The following TRIM71 variants were observed in gnomAD, a reference collection of about 807,000 sequenced individuals.
TRIM71 encodes E3 ubiquitin-protein ligase TRIM71.
A neutral mutation model predicts 61.2 loss-of-function variants in TRIM71; 9 were observed. That is an observed-to-expected ratio of 0.15 (90% confidence interval 0.09 to 0.26). The LOEUF (loss-of-function observed/expected upper bound fraction) is 0.26. Ranked by LOEUF, TRIM71 falls within the 10% of genes least tolerant of loss-of-function variation. The pLI, the probability that TRIM71 is intolerant of heterozygous loss-of-function variation, is 1.00. For synonymous variants in TRIM71, 645 were observed against 553.2 expected, an observed-to-expected ratio of 1.17 and a Z score of -2.33; for missense variants, 998 against 1,238.7, an observed-to-expected ratio of 0.81 and a Z score of 2.92.
At chr3:32,857,262 A>G (rs1302542333) in intron 1 of TRIM71, among the ~76,000 whole-genome samples, 1 of 152,210 alleles carries the variant, frequency 6.6e-6, no homozygotes, top group Non-Finnish European at 1.5e-5. Flanking sequence ...GCAGATTTGT[A>G]AATCTTCCAC....
intron 2 of TRIM71, among the ~76,000 whole-genome samples, chr3:32,880,168 G>A (rs904281750): frequency 1.1e-4 from 17 of 151,698 alleles, no homozygotes; most frequent in African/African-American, 3.6e-4. Context: ...TGGGATTACC[G>A]GCCTGTACCA....
intron 1 of TRIM71, among the ~76,000 whole-genome samples, chr3:32,820,786 G>A (rs1471147838): frequency 6.6e-6 from 1 of 152,202 alleles, no homozygotes; most frequent in East Asian, 1.9e-4. Flanking sequence ...ATTGAGAAGT[G>A]AAGCTCTCCA....
At chr3:32,854,594 T>C (rs765271794) in intron 1 of TRIM71, among the ~76,000 whole-genome samples, 24 of 152,160 alleles carry the variant, frequency 1.6e-4, no homozygotes, top group Non-Finnish European at 3.2e-4. Flanking sequence ...CCCTAGGCCT[T>C]ACTCAAGGAG....
intron 3 of TRIM71, among the ~76,000 whole-genome samples, chr3:32,889,554 G>T (rs1359798779): frequency 7.1e-6 from 1 of 140,278 alleles, no homozygotes; most frequent in East Asian, 2.0e-4. Context: ...TGTACGTTTT[G>T]TCCCAATTAT....
At chr3:32,881,727 T>C (rs1208345881) in intron 2 of TRIM71, among the ~76,000 whole-genome samples, 1 of 152,228 alleles carries the variant, frequency 6.6e-6, no homozygotes, top group African/African-American at 2.4e-5. Flanking sequence ...CCTTTCTACA[T>C]TGTCATTTCC....
intron 1 of TRIM71, among the ~76,000 whole-genome samples, chr3:32,850,645 T>G (rs1162946939): frequency 6.6e-6 from 1 of 152,204 alleles, no homozygotes; most frequent in African/African-American, 2.4e-5. Context: ...AAAATAACCT[T>G]TAAGGAAGAC....
intron 1 of TRIM71, among the ~76,000 whole-genome samples, chr3:32,863,338 TA>T (rs1336928505): frequency 6.6e-6 from 1 of 151,268 alleles, no homozygotes; most frequent in Non-Finnish European, 1.5e-5. Context: ...CAGCTGTGAC[TA>T]TAGGCATGCC....
intron 1 of TRIM71, among the ~76,000 whole-genome samples, chr3:32,828,974 C>G (rs1437833170): frequency 6.6e-6 from 1 of 151,822 alleles, no homozygotes; most frequent in Non-Finnish European, 1.5e-5. Context: ...GCATGAGCCA[C>G]TGTCCCCCAC....
chr3:32,852,872 G>T (rs1293783221), intron 1 of TRIM71, among the ~76,000 whole-genome samples: 2 of 151,996 alleles, frequency 1.3e-5, no homozygotes, highest in Non-Finnish European at 2.9e-5. Flanking sequence ...ATAGCAAAAG[G>T]TATTTGCAAT....
In TRIM71 at chr3:32,831,536, C is replaced by CTTTT. The variant is rs71068093; in HGVS notation, c.852+12621_852+12624dup. ...AAATTAAATAATGTTGCTTATCTTCCTTTTTTTTTTTTTTTTTTTTGAGAC... is the reference window on the plus strand; with the variant it reads ...AAATTAAATAATGTTGCTTATCTTCCTTTTTTTTTTTTTTTTTTTTTTTTGAGAC... On this transcript the variant is annotated intron_variant, in intron 1 of 3. Transcript: ENST00000383763. Among the ~76,000 whole-genome samples the CTTTT allele has an allele frequency of 5.6e-3, 540 of 96,678 alleles. 12 individuals are homozygous for CTTTT. The highest frequency in any genetic ancestry group is 0.022 in the East Asian group (67 of 3,048). 63.4% of individuals were successfully genotyped at this position (96,678 alleles called of 152,430 possible).
chr3:32,884,108 G>A (rs1158730207), intron 2 of TRIM71, among the ~76,000 whole-genome samples: 1 of 152,044 alleles, frequency 6.6e-6, no homozygotes, highest in Non-Finnish European at 1.5e-5. Flanking sequence ...CGGGTGGTGT[G>A]CTTTTTTGTT....
At chr3:32,838,585 C>T (rs1429432580) in intron 1 of TRIM71, among the ~76,000 whole-genome samples, 5 of 147,330 alleles carry the variant, frequency 3.4e-5, no homozygotes, top group South Asian at 2.2e-4. Flanking sequence ...GAAGTCCTAA[C>T]GCAGAATGCC....
chr3:32,850,944 G>C (rs1696531791), intron 1 of TRIM71, among the ~76,000 whole-genome samples: 1 of 152,162 alleles, frequency 6.6e-6, no homozygotes, highest in South Asian at 2.1e-4. Context: ...AGGTTGGGGA[G>C]GGGTTTAAAT....
intron 1 of TRIM71, among the ~76,000 whole-genome samples, chr3:32,846,851 G>A (rs555225501): frequency 1.1e-4 from 16 of 152,228 alleles, no homozygotes; most frequent in African/African-American, 2.4e-4. Context: ...CCCAGTTGTT[G>A]CAAATGACAG....
At chr3:32,823,718 G>T (rs1419933457) in intron 1 of TRIM71, among the ~76,000 whole-genome samples, 1 of 151,858 alleles carries the variant, frequency 6.6e-6, no homozygotes, top group Admixed American at 6.6e-5. Context: ...GCAGTGAGCC[G>T]AGATCATGCC....
At chr3:32,859,857 A>G (rs943487614) in intron 1 of TRIM71, among the ~76,000 whole-genome samples, 5 of 152,038 alleles carry the variant, frequency 3.3e-5, no homozygotes, top group South Asian at 2.1e-4. Flanking sequence ...GCCCAGTAAC[A>G]TGGTTCCTGG....
intron 1 of TRIM71, among the ~76,000 whole-genome samples, chr3:32,824,647 C>T (rs1399834067): frequency 6.6e-6 from 1 of 152,168 alleles, no homozygotes; most frequent in Non-Finnish European, 1.5e-5. Flanking sequence ...TCACACCTGG[C>T]TAATTTTTGT....
chr3:32,878,229 G>A (rs1464959329), intron 2 of TRIM71, among the ~76,000 whole-genome samples: 1 of 152,182 alleles, frequency 6.6e-6, no homozygotes, highest in Non-Finnish European at 1.5e-5. Flanking sequence ...GAGTCTTCTG[G>A]GTGACCAGGT....
rs1307496197 is a variant in TRIM71 at position 32,818,207 on chromosome 3, G to C, written c.127G>C (p.Gly43Arg). Residue 43 changes from glycine (G) to arginine (R), a missense_variant, in exon 1 of 4, where the codon GGG becomes CGG. By Grantham distance (125) the Gly-to-Arg change is moderately radical (BLOSUM62 -2). Coordinates refer to ENST00000383763, the MANE Select transcript of TRIM71 (RefSeq NM_001039111.3). ...CTCCTCGCAGACGTCCACGTCGTCG[G>C]GGGGCGGCGGCGGGGGCCCTGGGGC... ...SSSSQTSTSS[G>R]GGGGGPGAAA... The C allele has an allele frequency of 3.2e-6, 5 of 1,562,504 alleles. No individual in the cohort carries two copies. Among genetic ancestry groups the C allele is most frequent in the Non-Finnish European group, 4.3e-6 (5 of 1,159,672 alleles).
Sources: allele counts gnomAD v4.1 joint callset (sites outside exome capture counted in the v4.1 genomes callset), GRCh38; gene constraint gnomAD v4.1.1; transcripts MANE v1.5; gene names NCBI Gene and HGNC (gene_info 2026-07-23, HGNC 2026-07-21).